Variants in CTNNA1 observed in about 807,000 individuals in gnomAD.
CTNNA1 encodes catenin alpha-1.
CTNNA1 carries 37 observed loss-of-function variants against 98.4 expected under a neutral mutation model. That is an observed-to-expected ratio of 0.38 (90% CI 0.29 to 0.49). The LOEUF (loss-of-function observed/expected upper bound fraction) is 0.49, where lower values mean the gene tolerates loss of function less well. Among genes scored for constraint, CTNNA1 ranks in the 20% least tolerant of loss-of-function variants. The pLI is 0.95. For synonymous variants in CTNNA1, 404 were observed against 413.2 expected, an observed-to-expected ratio of 0.98 and a Z score of 0.27; for missense variants, 761 against 1,147.2, an observed-to-expected ratio of 0.66 and a Z score of 4.86.
At chr5:138,920,301 C>T (rs749679900) in intron 11 of CTNNA1, among the ~76,000 whole-genome samples, 17 of 152,146 alleles carry the variant, frequency 1.1e-4, no homozygotes, top group Admixed American at 1.0e-3. Flanking sequence ...CTTTTTATTT[C>T]GGGGGACTAG....
chr5:138,822,020 A>G (rs956663094), intron 5 of CTNNA1, among the ~76,000 whole-genome samples: 6 of 150,734 alleles, frequency 4.0e-5, no homozygotes, highest in Admixed American at 6.6e-5. Context: ...AGAGAGAAAA[A>G]AGAACACTTT....
chr5:138,925,861 C>G (rs1763902256), intron 13 of CTNNA1, among the ~76,000 whole-genome samples: 1 of 152,202 alleles, frequency 6.6e-6, no homozygotes, highest in Non-Finnish European at 1.5e-5. Context: ...GGTGATGCTC[C>G]TAGGCTCATG....
At chr5:138,803,464 A>G (rs1359417365) in intron 3 of CTNNA1, among the ~76,000 whole-genome samples, 1 of 152,160 alleles carries the variant, frequency 6.6e-6, no homozygotes, top group Non-Finnish European at 1.5e-5. Context: ...TCTCAGGCCA[A>G]ATTCTTGAAA....
chr5:138,816,918 C>G (rs960563636), intron 5 of CTNNA1, among the ~76,000 whole-genome samples: 1 of 152,146 alleles, frequency 6.6e-6, no homozygotes, highest in South Asian at 2.1e-4. Context: ...AGGCTGGTCT[C>G]GAACTCCTGG....
intron 7 of CTNNA1, among the ~76,000 whole-genome samples, chr5:138,831,348 T>C (rs1357434483): frequency 6.6e-6 from 1 of 152,216 alleles, no homozygotes; most frequent in African/African-American, 2.4e-5. Context: ...GCGTCAGTTA[T>C]TTTAAAACAC....
Position 138,874,121 on chromosome 5 carries a change from G to A in CTNNA1, c.1063-12091G>A, listed in dbSNP as rs1751004116. The A allele has an allele frequency of 1.2e-6, 2 of 1,613,630 alleles. No homozygotes were observed. Among genetic ancestry groups the A allele is most frequent in the Admixed American group, 1.7e-5 (1 of 59,912 alleles). On this transcript the variant is annotated intron_variant, in intron 7 of 17. Coordinates refer to ENST00000302763, the MANE Select transcript of CTNNA1 (RefSeq NM_001903.5). This position sits in a 1 kb window ranked among gnomAD's most constrained non-coding sequence, Gnocchi z 4.1. ...GCCATAGAAGAGCTCTGGGTGCAGA[G>A]ATGACAGCTGATTAAAAGACAGGTC...
chr5:138,852,119 C>T (rs1030186950), intron 7 of CTNNA1, among the ~76,000 whole-genome samples: 20 of 152,030 alleles, frequency 1.3e-4, no homozygotes, highest in African/African-American at 3.9e-4. Flanking sequence ...ATGGGTGCTA[C>T]CCAATTAGTA....
At chr5:138,877,480 G>C (rs1293815783) in intron 7 of CTNNA1, among the ~76,000 whole-genome samples, 1 of 144,412 alleles carries the variant, frequency 6.9e-6, no homozygotes, top group African/African-American at 2.6e-5. Context: ...TCGCTCTGTC[G>C]CCCAGGCCGG....
chr5:138,903,616 C>T (rs1207373318), intron 9 of CTNNA1, among the ~76,000 whole-genome samples: 1 of 152,182 alleles, frequency 6.6e-6, no homozygotes, highest in East Asian at 1.9e-4. Flanking sequence ...TGTTCCTGGC[C>T]ACGTGAGCTG....
Position 138,931,188 on chromosome 5 carries a change from C to G in CTNNA1, c.2298+253C>G, listed in dbSNP as rs145069055. 1,168 of 457,958 alleles carry G rather than the reference C, an allele frequency of 2.6e-3. 7 individuals carry two copies. The highest frequency in any genetic ancestry group is 4.9e-3 in the Middle Eastern group (8 of 1,636). 28.4% of individuals were successfully genotyped at this position (457,958 alleles called of 1,614,324 possible). On this transcript the variant is annotated intron_variant, in intron 16 of 17. Coordinates refer to ENST00000302763, the MANE Select transcript of CTNNA1 (RefSeq NM_001903.5). ...CTTATGTCTCAGTTCCCTCTCTCCC[C>G]CTCTGGGCAGGGGCCGAGAGCAGCC...
At chr5:138,826,360 G>T (rs1004013497) in intron 6 of CTNNA1, among the ~76,000 whole-genome samples, 1 of 152,172 alleles carries the variant, frequency 6.6e-6, no homozygotes, top group Admixed American at 6.5e-5. Context: ...CATAATATTT[G>T]CACAGACATT....
rs28363495 is a variant in CTNNA1 at position 138,931,631 on chromosome 5, G to A, written c.2298+696G>A. 6.1e-6 allele frequency: 6 copies of A among 985,424 alleles called. No homozygotes were observed. The African/African-American group carries it at 8.7e-5, about 14-fold the overall frequency. 61.0% of individuals were successfully genotyped at this position (985,424 alleles called of 1,614,324 possible). ...ATGTATCTTGACACAAACCAGTCTT[G>A]TCCTTTCTGCAGATCTCCATAGCCA... is the stretch of plus-strand genomic sequence containing the variant. On this transcript the variant is annotated intron_variant, in intron 16 of 17. Transcript: ENST00000302763.
rs549175631 is a variant in CTNNA1 at position 138,884,012 on chromosome 5, T to A, written c.1063-2200T>A. On this transcript the variant is annotated intron_variant, in intron 7 of 17. Coordinates refer to ENST00000302763, the MANE Select transcript of CTNNA1 (RefSeq NM_001903.5). ...AAGAAATAAATATTCTAGGGCCCAA[T>A]ATGAGTGGCCAAGGCCCAAGGCACA... is the stretch of plus-strand genomic sequence containing the variant. 1.6e-4 allele frequency among the ~76,000 whole-genome samples: 24 copies of A among 152,254 alleles called. No homozygotes were observed. The South Asian group carries it at 4.8e-3, about 30-fold the overall frequency.
intron 1 of CTNNA1, chr5:138,755,053 T>A (rs888651079): frequency 2.0e-5 from 3 of 152,244 alleles, no homozygotes; most frequent in Non-Finnish European, 4.4e-5. Flanking sequence ...CCAGGGTGCC[T>A]GACCCCATCT....
At chr5:138,852,187 T>C (rs2149848307) in intron 7 of CTNNA1, among the ~76,000 whole-genome samples, 1 of 152,344 alleles carries the variant, frequency 6.6e-6, no homozygotes, top group East Asian at 1.9e-4. Flanking sequence ...CGTTAACCCT[T>C]TAAGTACTTG....
intron 13 of CTNNA1, among the ~76,000 whole-genome samples, chr5:138,927,710 TAATGAATGAATGAA>T (rs34442108): frequency 0.24 from 36,967 of 150,970 alleles, 4,925 homozygotes; most frequent in Middle Eastern, 0.32. Flanking sequence ...GGCAGAGAGA[TAATGAATGAATGAA>T]TGAATGAATG....
intron 1 of CTNNA1, among the ~76,000 whole-genome samples, chr5:138,773,680 AG>A (rs199937205): frequency 0.012 from 1,818 of 152,166 alleles, 40 homozygotes; most frequent in African/African-American, 0.036. Flanking sequence ...CTCGTTTAGA[AG>A]CAGGATTAGG....
intron 9 of CTNNA1, among the ~76,000 whole-genome samples, chr5:138,890,242 A>G (rs1755054940): frequency 6.6e-6 from 1 of 152,252 alleles, no homozygotes; most frequent in South Asian, 2.1e-4. Flanking sequence ...AGTCTGCCAG[A>G]TGTGTTTGGG....
chr5:138,877,441 CT>C (rs70982737), intron 7 of CTNNA1, among the ~76,000 whole-genome samples: 199 of 136,754 alleles, frequency 1.5e-3, no homozygotes, highest in East Asian at 1.9e-3. Flanking sequence ...TCTTAAATTT[CT>C]TTTTTTTTTT....
Sources: allele counts gnomAD v4.1 joint callset (sites outside exome capture counted in the v4.1 genomes callset), GRCh38; gene constraint gnomAD v4.1.1; non-coding constraint Gnocchi (gnomAD v3.1); transcripts MANE v1.5; gene names NCBI Gene and HGNC (gene_info 2026-07-23, HGNC 2026-07-21).